The following PAG1 variants were observed in gnomAD, a reference collection of about 807,000 sequenced individuals.
PAG1 encodes phosphoprotein membrane anchor with glycosphingolipid microdomains 1.
PAG1 carries 23 observed loss-of-function variants against 31.7 expected under a neutral mutation model. The observed-to-expected ratio is 0.73, with a 90% CI of 0.52 to 1.03. The LOEUF (loss-of-function observed/expected upper bound fraction) is 1.03. PAG1 is among the 50% of genes least tolerant of loss of function. The pLI, the probability that PAG1 is intolerant of heterozygous loss-of-function variation, is 0.00. For synonymous variants in PAG1, 214 were observed against 210.3 expected, an observed-to-expected ratio of 1.02 and a Z score of -0.15; for missense variants, 473 against 540.7, an observed-to-expected ratio of 0.87 and a Z score of 1.24.
intron 1 of PAG1, among the ~76,000 whole-genome samples, chr8:81,087,660 T>C (rs1809381390): frequency 6.6e-6 from 1 of 152,156 alleles, no homozygotes; most frequent in Non-Finnish European, 1.5e-5. Context: ...AGAAACAAGT[T>C]ACAGGGCACA....
In PAG1 at chr8:81,055,530, C is replaced by G. The variant is rs199686519; in HGVS notation, c.-175+14582G>C. Among the ~76,000 whole-genome samples the G allele has an allele frequency of 3.2e-3, 488 of 152,092 alleles. 13 individuals carry two copies. In the East Asian group the frequency reaches 0.079, roughly 25 times the overall value. Reference sequence around the variant, plus strand: ...TAGCTTGATGGGGATGGCATTGAATCTATAAGTTACCTTGGGCAGTATGGC... The same window carrying G: ...TAGCTTGATGGGGATGGCATTGAATGTATAAGTTACCTTGGGCAGTATGGC... On this transcript the variant is annotated intron_variant, in intron 2 of 8. Coordinates refer to ENST00000220597, the MANE Select transcript of PAG1 (RefSeq NM_018440.4).
intron 2 of PAG1, among the ~76,000 whole-genome samples, chr8:81,057,655 TG>T (rs1243346912): frequency 6.6e-6 from 1 of 152,132 alleles, no homozygotes; most frequent in Non-Finnish European, 1.5e-5. Context: ...ACATGGCACA[TG>T]TATACATATG....
At chr8:81,011,294 G>A (rs574750727) in intron 3 of PAG1, among the ~76,000 whole-genome samples, 15 of 152,332 alleles carry the variant, frequency 9.8e-5, no homozygotes, top group African/African-American at 2.9e-4. Flanking sequence ...CCTGGCGGGA[G>A]ATAACTGAAT....
intron 1 of PAG1, among the ~76,000 whole-genome samples, chr8:81,093,596 C>A (rs917600532): frequency 6.6e-6 from 1 of 151,950 alleles, no homozygotes; most frequent in Non-Finnish European, 1.5e-5. Context: ...GCCTTTACAA[C>A]ATGATCATGT....
chr8:81,083,515 G>A (rs1055684027), intron 1 of PAG1, among the ~76,000 whole-genome samples: 8 of 152,134 alleles, frequency 5.3e-5, no homozygotes, highest in African/African-American at 1.7e-4. Context: ...TGGCAAGGGT[G>A]GAAGTTTAGG....
At chr8:81,092,396 C>A (rs970786289) in intron 1 of PAG1, among the ~76,000 whole-genome samples, 3 of 151,888 alleles carry the variant, frequency 2.0e-5, no homozygotes, top group African/African-American at 7.3e-5. Flanking sequence ...AAAATAAAAT[C>A]CATTTGTGAA....
In PAG1 at chr8:81,092,104, A is replaced by G. The variant is rs1586214788; in HGVS notation, c.-234+19487T>C. Among the ~76,000 whole-genome samples, 6 of 149,996 alleles carry G rather than the reference A, an allele frequency of 4.0e-5. No individual in the cohort carries two copies. In the South Asian group the frequency reaches 1.3e-3, roughly 31 times the overall value. The stretch of plus-strand genomic sequence containing the variant: ...GCAATGGCTCACACCTGTAACCCCA[A>G]CACTTTGGGAGGCTAAGGAAGGTGG... On this transcript the variant is annotated intron_variant, in intron 1 of 8. Transcript: ENST00000220597.
At chr8:80,984,117 A>G (rs1807365483) in intron 7 of PAG1, among the ~76,000 whole-genome samples, 2 of 152,248 alleles carry the variant, frequency 1.3e-5, no homozygotes, top group Admixed American at 1.3e-4. Flanking sequence ...AGATGGGCCT[A>G]GTTAAATCCC....
chr8:81,102,398 A>G (rs1410159733), intron 1 of PAG1, among the ~76,000 whole-genome samples: 7 of 152,188 alleles, frequency 4.6e-5, no homozygotes, highest in Non-Finnish European at 7.4e-5. Context: ...TCACAAAGGC[A>G]TAAGCCCCTT....
intron 3 of PAG1, among the ~76,000 whole-genome samples, chr8:81,005,859 T>C (rs943932104): frequency 3.9e-5 from 6 of 152,236 alleles, no homozygotes; most frequent in South Asian, 2.1e-4. Context: ...TTGTAACACA[T>C]GGGGCAATTT....
intron 1 of PAG1, among the ~76,000 whole-genome samples, chr8:81,101,237 C>T (rs1230238067): frequency 6.6e-6 from 1 of 152,144 alleles, no homozygotes; most frequent in African/African-American, 2.4e-5. Flanking sequence ...AATAAGACTC[C>T]AGATGTTTTG....
chr8:81,022,492 T>A (rs1808207221), intron 3 of PAG1, among the ~76,000 whole-genome samples: 1 of 152,134 alleles, frequency 6.6e-6, no homozygotes. Context: ...GTTAGCCACA[T>A]TTGGATGTAA....
At chr8:81,108,448 G>A (rs1586225060) in intron 1 of PAG1, among the ~76,000 whole-genome samples, 2 of 152,034 alleles carry the variant, frequency 1.3e-5, no homozygotes, top group African/African-American at 4.8e-5. Flanking sequence ...TTTTTTTAAA[G>A]CCAACTTTGA....
chr8:81,085,977 T>TG (rs1352755047), intron 1 of PAG1, among the ~76,000 whole-genome samples: 85 of 114,040 alleles, frequency 7.5e-4, no homozygotes, highest in Non-Finnish European at 1.2e-3. Context: ...GGCTTGTTTT[T>TG]TTTTTTTTTT....
At chr8:81,096,479 A>G (rs1809530104) in intron 1 of PAG1, among the ~76,000 whole-genome samples, 1 of 152,198 alleles carries the variant, frequency 6.6e-6, no homozygotes, top group South Asian at 2.1e-4. Flanking sequence ...ATGACAGCTC[A>G]ATTTTGGTAG....
At chr8:81,087,424 G>GT (rs1238380301) in intron 1 of PAG1, among the ~76,000 whole-genome samples, 1 of 151,154 alleles carries the variant, frequency 6.6e-6, no homozygotes, top group Non-Finnish European at 1.5e-5. Flanking sequence ...AAAATATTTA[G>GT]TACCTCGCCA....
intron 2 of PAG1, among the ~76,000 whole-genome samples, chr8:81,037,874 C>G (rs1808486398): frequency 6.6e-6 from 1 of 152,222 alleles, no homozygotes; most frequent in Admixed American, 6.5e-5. Flanking sequence ...CCTTTCCACT[C>G]TGCACATTTA....
chr8:81,021,872 C>A (rs1808178685), intron 3 of PAG1, among the ~76,000 whole-genome samples: 1 of 152,112 alleles, frequency 6.6e-6, no homozygotes, highest in South Asian at 2.1e-4. Context: ...AGTCAGTTCA[C>A]ATAGAAGCAT....
At chr8:81,015,490 T>C (rs1808057001) in intron 3 of PAG1, among the ~76,000 whole-genome samples, 1 of 152,226 alleles carries the variant, frequency 6.6e-6, no homozygotes, top group Non-Finnish European at 1.5e-5. Flanking sequence ...CCCACTTACA[T>C]TATATTTCTG....
Sources: gnomAD v4.1 joint callset for allele counts (sites outside exome capture counted in the v4.1 genomes callset) on GRCh38, gnomAD v4.1.1 for gene constraint, MANE v1.5 for transcripts, NCBI Gene and HGNC (gene_info 2026-07-23, HGNC 2026-07-21) for gene names.